The following IQGAP2 variants were observed in gnomAD, a reference collection of about 807,000 sequenced individuals.
The protein encoded by IQGAP2 is IQ motif containing GTPase activating protein 2, also known as ras GTPase-activating-like protein IQGAP2.
Under a neutral mutation model 201.3 loss-of-function variants are expected in IQGAP2, and 173 were observed. The observed-to-expected ratio is 0.86, with a 90% CI of 0.76 to 0.98. The LOEUF (loss-of-function observed/expected upper bound fraction) is 0.98, where lower values mean the gene tolerates loss of function less well. IQGAP2 is among the 50% of genes least tolerant of loss of function. The pLI is 0.00. For missense variants in IQGAP2, 1,687 were observed against 1,864.8 expected (o/e 0.90, Z 1.76); for synonymous variants, 675 against 673.9 (o/e 1.00, Z -0.03).
rs1397187154 is a variant in IQGAP2, at chr5:76,437,543, C to T, written c.47-24027C>T. On this transcript the variant is annotated intron_variant, in intron 1 of 35. Coordinates refer to ENST00000274364, the MANE Select transcript of IQGAP2 (RefSeq NM_006633.5). ...AAATAGCTCCCCCGCTCCCCTCCCACAGGCCCCACCGTGTGTTGTTCCCCT... is the reference window on the plus strand; with the variant it reads ...AAATAGCTCCCCCGCTCCCCTCCCATAGGCCCCACCGTGTGTTGTTCCCCT... Among the ~76,000 whole-genome samples, 6 of 152,236 alleles carry T rather than the reference C, an allele frequency of 3.9e-5. No individual in the cohort carries two copies. The East Asian group carries it at 7.7e-4, about 20-fold the overall frequency.
At chr5:76,560,332 T>G (rs1316759364) in intron 2 of IQGAP2, among the ~76,000 whole-genome samples, 3 of 151,332 alleles carry the variant, frequency 2.0e-5, no homozygotes, top group Non-Finnish European at 4.4e-5. Flanking sequence ...TTTTTTTTTT[T>G]TTTTTAAGAG....
At chr5:76,664,925 T>G in intron 21 of IQGAP2, 101 bp from the exon 22 acceptor site, 1 of 687,616 alleles carries the variant, frequency 1.5e-6, no homozygotes, top group Middle Eastern at 4.1e-4. Context: ...CAATGAGGTA[T>G]GCCTGTATTT....
intron 2 of IQGAP2, among the ~76,000 whole-genome samples, chr5:76,464,269 G>A (rs967795414): frequency 6.6e-6 from 1 of 152,144 alleles, no homozygotes; most frequent in African/African-American, 2.4e-5. Flanking sequence ...GAAAACTCAT[G>A]GTCTTGAATG....
At chr5:76,437,160 C>G (rs956735020) in intron 1 of IQGAP2, among the ~76,000 whole-genome samples, 5 of 151,794 alleles carry the variant, frequency 3.3e-5, no homozygotes, top group Non-Finnish European at 5.9e-5. Context: ...CAAGTGATTC[C>G]CATGTCTCAG....
chr5:76,683,902 G>A lies in IQGAP2; in HGVS notation c.3890G>A (p.Arg1297Gln), dbSNP rs751786825. ...GAGGACGGTGAAGCTATAGATAGCC[G>A]AAGCCTCATGATAAAGTAAGTTTGG... Reference protein sequence around the residue: ...DIEDGEAIDSRSLMIKTKKLI... With the variant: ...DIEDGEAIDSQSLMIKTKKLI... Residue 1297 changes from arginine (R) to glutamine (Q), a missense_variant, in exon 30 of 36, where the codon CGA (arginine) becomes CAA (glutamine). Physicochemically the swap from Arg to Gln is conservative, Grantham distance 43. Coordinates refer to ENST00000274364, the MANE Select transcript of IQGAP2 (RefSeq NM_006633.5). 9.1e-5 allele frequency: 146 copies of A among 1,610,972 alleles called. No homozygotes were observed. The highest frequency in any genetic ancestry group is 1.3e-4 in the East Asian group (6 of 44,750).
intron 1 of IQGAP2, among the ~76,000 whole-genome samples, chr5:76,461,131 G>C (rs934987509): frequency 3.4e-4 from 51 of 152,002 alleles, no homozygotes; most frequent in African/African-American, 1.2e-3. Flanking sequence ...GCCCACCTCA[G>C]CCTTCCAAAG....
chr5:76,525,554 G>C (rs1758922730), intron 2 of IQGAP2, among the ~76,000 whole-genome samples: 1 of 152,042 alleles, frequency 6.6e-6, no homozygotes, highest in Admixed American at 6.6e-5. Flanking sequence ...GAGGCAGGCT[G>C]GGTGGCAAAA....
At chr5:76,439,270 T>G (rs573429266) in intron 1 of IQGAP2, among the ~76,000 whole-genome samples, 101 of 152,348 alleles carry the variant, frequency 6.6e-4, no homozygotes, top group Middle Eastern at 3.4e-3. Context: ...TATCATATGG[T>G]CTATCTTGGA....
intron 20 of IQGAP2, 84 bp downstream of exon 20, chr5:76,655,087 G>A: frequency 3.2e-6 from 3 of 938,862 alleles, no homozygotes; most frequent in Non-Finnish European, 3.4e-6. Context: ...CACTTCAGAG[G>A]CTGCTCTAAG....
At chr5:76,428,797 A>C (rs1433738074) in intron 1 of IQGAP2, among the ~76,000 whole-genome samples, 1 of 151,282 alleles carries the variant, frequency 6.6e-6, no homozygotes, top group Non-Finnish European at 1.5e-5. Flanking sequence ...ACTTAAAAAA[A>C]AAAAAGGTTT....
At position 76,403,465 on chromosome 5, in the gene IQGAP2, C is replaced by T; in HGVS notation, c.-81C>T. On this transcript the variant is annotated 5_prime_UTR_variant, in exon 1 of 36. Transcript: ENST00000274364. The surrounding 1 kb of genome is among the most constrained non-coding windows in gnomAD (Gnocchi z 4.8). Reference sequence around the variant, plus strand: ...GAGAGGCGGGATCCGAGCGCGCCGGCGGGGCGCAGAGCCCGCGAGCCTGGC... The same window carrying T: ...GAGAGGCGGGATCCGAGCGCGCCGGTGGGGCGCAGAGCCCGCGAGCCTGGC... The T allele has an allele frequency of 1.8e-6, 2 of 1,109,452 alleles. No homozygotes were observed. The highest frequency in any genetic ancestry group is 2.4e-5 in the South Asian group (1 of 41,868). 68.7% of individuals were successfully genotyped at this position (1,109,452 alleles called of 1,614,324 possible).
At chr5:76,604,734 G>A (rs758010999) in intron 11 of IQGAP2, among the ~76,000 whole-genome samples, 10 of 152,240 alleles carry the variant, frequency 6.6e-5, no homozygotes, top group East Asian at 1.9e-4. Flanking sequence ...AATCCAAATC[G>A]TTATTGTGGT....
intron 5 of IQGAP2, among the ~76,000 whole-genome samples, chr5:76,582,756 A>T (rs1012750242): frequency 1.1e-4 from 16 of 151,866 alleles, no homozygotes; most frequent in Non-Finnish European, 4.4e-5. Flanking sequence ...TGTGACTAAG[A>T]TGGAAAAATT....
chr5:76,440,888 AGGCGTGGT>A (rs1221208327), intron 1 of IQGAP2, among the ~76,000 whole-genome samples: 1 of 152,100 alleles, frequency 6.6e-6, no homozygotes, highest in Non-Finnish European at 1.5e-5. Flanking sequence ...AAAATTAGCC[AGGCGTGGT>A]GGCGGATGCC....
At chr5:76,626,265 C>CTTTTTTTTTTTTTTTT (rs1750218703) in intron 13 of IQGAP2, among the ~76,000 whole-genome samples, 3 of 57,478 alleles carry the variant, frequency 5.2e-5, no homozygotes, top group Admixed American at 2.1e-4. Context: ...TTTTTTTCTT[C>CTTTTTTTTTTTTTTTT]TTTTCTTTTT....
chr5:76,546,225 C>T (rs1580423863), intron 2 of IQGAP2, among the ~76,000 whole-genome samples: 1 of 152,224 alleles, frequency 6.6e-6, no homozygotes, highest in East Asian at 1.9e-4. Flanking sequence ...CACTTGAGGT[C>T]GGGAGTTCAA....
chr5:76,453,810 CCAA>C (rs1753906599), intron 1 of IQGAP2, among the ~76,000 whole-genome samples: 1 of 152,156 alleles, frequency 6.6e-6, no homozygotes, highest in East Asian at 1.9e-4. Flanking sequence ...TTTGCCCTGA[CCAA>C]CAGTTAAAGC....
At chr5:76,569,432 CA>C (rs35438972) in intron 3 of IQGAP2, among the ~76,000 whole-genome samples, 80,252 of 148,574 alleles carry the variant, frequency 0.54, 21,789 homozygotes, top group South Asian at 0.74. Flanking sequence ...ATGAACACTG[CA>C]AAAAAAAAAA....
chr5:76,618,023 A>T, intron 13 of IQGAP2: 4 of 1,614,206 alleles, frequency 2.5e-6, no homozygotes, highest in Non-Finnish European at 3.4e-6. Flanking sequence ...TCAGTATGAA[A>T]AATGGCAGCA....
Sources: gnomAD v4.1 joint callset for allele counts (sites outside exome capture counted in the v4.1 genomes callset) on GRCh38, gnomAD v4.1.1 for gene constraint, Gnocchi (gnomAD v3.1) non-coding constraint, MANE v1.5 for transcripts, NCBI Gene and HGNC (gene_info 2026-07-23, HGNC 2026-07-21) for gene names.